Variants in PCDHA13 observed in about 807,000 individuals in gnomAD.
PCDHA13 encodes the protein protocadherin alpha 13.
PCDHA13 carries 54 observed loss-of-function variants against 64.8 expected under a neutral mutation model. That is an observed-to-expected ratio of 0.83 (90% CI 0.67 to 1.04). PCDHA13 has a LOEUF of 1.04. PCDHA13 is among the 50% of genes least tolerant of loss of function. The pLI, the probability that PCDHA13 is intolerant of heterozygous loss-of-function variation, is 0.00. For missense variants in PCDHA13, 1,248 were observed against 1,254.3 expected (o/e 0.99, Z 0.08); for synonymous variants, 587 against 564.4 (o/e 1.04, Z -0.57).
At chr5:140,982,608 T>G (rs782789536) in intron 3 of PCDHA13, 45 bp downstream of exon 3, 2 of 1,601,306 alleles carry the variant, frequency 1.2e-6, no homozygotes, top group South Asian at 2.2e-5. Flanking sequence ...TTCTGGAAAG[T>G]GATCAGATGA....
At chr5:140,952,445 G>A (rs1187543872) in intron 1 of PCDHA13, among the ~76,000 whole-genome samples, 1 of 152,002 alleles carries the variant, frequency 6.6e-6, no homozygotes, top group Non-Finnish European at 1.5e-5. Flanking sequence ...GCATAATACA[G>A]CCAGGCTCTT....
intron 1 of PCDHA13, among the ~76,000 whole-genome samples, chr5:140,936,326 AT>A: frequency 6.6e-6 from 1 of 152,256 alleles, no homozygotes; most frequent in South Asian, 2.1e-4. Flanking sequence ...CATGCTATAA[AT>A]TTTCTCTATC....
Position 140,929,271 on chromosome 5 carries a change from A to G in PCDHA13, c.2394+44609A>G, listed in dbSNP as rs782266407. 9.9e-6 allele frequency: 16 copies of G among 1,610,716 alleles called. No individual in the cohort carries two copies. In the Admixed American group the frequency reaches 2.7e-4, roughly 27 times the overall value. On this transcript the variant is annotated intron_variant, in intron 1 of 3. Transcript: ENST00000289272. ...CTGGGGTAGGACTGAATTTGCCAAT[A>G]TCCTGTATTCAGATTCGGAATAGGA...
In PCDHA13 at chr5:140,882,497, G is replaced by A. The variant is rs1554174299; in HGVS notation, c.229G>A (p.Val77Ile). ...CAAAAGACACGGGGACCTTCTGGAG[G>A]TAAATCTGCAGAATGGCATTTTGTT... Reference protein sequence around the residue: ...ASKRHGDLLEVNLQNGILFVN... With the variant: ...ASKRHGDLLEINLQNGILFVN... The change falls in exon 1 of 4, where the codon GTA (valine) becomes ATA (isoleucine). Residue 77 changes from valine to isoleucine, a missense_variant. Coordinates refer to ENST00000289272, the MANE Select transcript of PCDHA13 (RefSeq NM_018904.3). The A allele has an allele frequency of 6.2e-7, 1 of 1,614,140 alleles. No homozygotes were observed. Among genetic ancestry groups the A allele is most frequent in the South Asian group, 1.1e-5 (1 of 91,080 alleles).
At chr5:140,983,992 C>A (rs2097080247) in intron 3 of PCDHA13, among the ~76,000 whole-genome samples, 1 of 152,200 alleles carries the variant, frequency 6.6e-6, no homozygotes, top group Non-Finnish European at 1.5e-5. Flanking sequence ...TGAAGCAATT[C>A]ATTAGAGAGC....
At chr5:140,985,884 C>T (rs1263620553) in intron 3 of PCDHA13, among the ~76,000 whole-genome samples, 4 of 151,722 alleles carry the variant, frequency 2.6e-5, no homozygotes, top group East Asian at 3.9e-4. Context: ...GGACTACAGG[C>T]GCCCGCCACC....
intron 3 of PCDHA13, among the ~76,000 whole-genome samples, chr5:141,004,079 A>G (rs1192943756): frequency 1.3e-5 from 2 of 152,210 alleles, no homozygotes; most frequent in Non-Finnish European, 2.9e-5. Context: ...TTAGGGGTAG[A>G]AATGTGCTTC....
intron 1 of PCDHA13, chr5:140,927,237 G>A (rs1554204217): frequency 1.2e-6 from 2 of 1,614,110 alleles, no homozygotes; most frequent in Admixed American, 1.7e-5. Flanking sequence ...TTCACGTCCT[G>A]GACACCAATG....
intron 1 of PCDHA13, among the ~76,000 whole-genome samples, chr5:140,916,133 G>A (rs2077446110): frequency 6.6e-6 from 1 of 152,114 alleles, no homozygotes; most frequent in Non-Finnish European, 1.5e-5. Flanking sequence ...AAGCTTAAGG[G>A]CTGTTCAGTT....
In PCDHA13 at chr5:141,009,929, G is replaced by A; in HGVS notation, c.2845G>A (p.Asp949Asn). The A allele has an allele frequency of 1.2e-6, 2 of 1,603,732 alleles. No individual in the cohort carries two copies. Among genetic ancestry groups the A allele is most frequent in the Non-Finnish European group, 1.7e-6 (2 of 1,176,576 alleles). Residue 949 changes from aspartate to asparagine, a missense_variant, in exon 4 of 4, where the codon GAC (aspartate) becomes AAC (asparagine). Transcript: ENST00000289272. ...AGGGAACAGCACGACTGACAACAGT[G>A]ACCAGTGAGGTCCTCAAATGGAAAC... is the stretch of plus-strand genomic sequence containing the variant. ...EKGNSTTDNSDQ is the reference protein window; with the variant it reads ...EKGNSTTDNSNQ
chr5:140,966,946 C>G (rs377699694), intron 1 of PCDHA13: 3 of 1,603,368 alleles, frequency 1.9e-6, no homozygotes, highest in African/African-American at 2.7e-5. Context: ...TCGTGGGCAA[C>G]GTGGCTCGCG....
intron 1 of PCDHA13, among the ~76,000 whole-genome samples, chr5:140,910,495 T>C (rs782513326): frequency 1.3e-5 from 2 of 152,176 alleles, no homozygotes; most frequent in Non-Finnish European, 2.9e-5. Flanking sequence ...AGAAGAGCAA[T>C]CACAAAGCTC....
chr5:140,990,621 G>A (rs75224471), intron 3 of PCDHA13, among the ~76,000 whole-genome samples: 1,861 of 152,288 alleles, frequency 0.012, 44 homozygotes, highest in African/African-American at 0.043. Context: ...GTAAAGGTCT[G>A]TGGTAAGACT....
intron 1 of PCDHA13, among the ~76,000 whole-genome samples, chr5:140,943,236 TCA>T (rs1454947972): frequency 5.6e-5 from 7 of 124,930 alleles, no homozygotes; most frequent in African/African-American, 1.9e-4. Flanking sequence ...CCAGCCTGGG[TCA>T]CAGAGTGAGA....
chr5:140,989,633 A>AGG (rs2097351730), intron 3 of PCDHA13, among the ~76,000 whole-genome samples: 1 of 152,226 alleles, frequency 6.6e-6, no homozygotes. Flanking sequence ...AGTGACAGCA[A>AGG]GGGTCTTTCA....
At chr5:140,981,766 T>C (rs1321747581) in intron 2 of PCDHA13, among the ~76,000 whole-genome samples, 7 of 152,144 alleles carry the variant, frequency 4.6e-5, no homozygotes, top group Non-Finnish European at 1.0e-4. Flanking sequence ...CATACATAAA[T>C]GAATACTGCA....
At chr5:140,981,533 C>A (rs1045779820) in intron 2 of PCDHA13, among the ~76,000 whole-genome samples, 9 of 152,154 alleles carry the variant, frequency 5.9e-5, no homozygotes, top group African/African-American at 2.2e-4. Context: ...GAGATCGTGC[C>A]ACTGTACTCC....
intron 1 of PCDHA13, among the ~76,000 whole-genome samples, chr5:140,921,752 C>T (rs1429216387): frequency 6.6e-6 from 1 of 152,130 alleles, no homozygotes; most frequent in Non-Finnish European, 1.5e-5. Context: ...TAACAGGACA[C>T]TTCTTGGCTA....
At chr5:140,935,093 A>G (rs1182064605) in intron 1 of PCDHA13, among the ~76,000 whole-genome samples, 1 of 152,204 alleles carries the variant, frequency 6.6e-6, no homozygotes, top group Admixed American at 6.5e-5. Context: ...TCCCAGAATC[A>G]GCCATTTTTC....
Sources: gnomAD v4.1 joint callset for allele counts (sites outside exome capture counted in the v4.1 genomes callset) on GRCh38, gnomAD v4.1.1 for gene constraint, MANE v1.5 for transcripts, NCBI Gene and HGNC (gene_info 2026-07-23, HGNC 2026-07-21) for gene names.